Variants in FLG2 observed in about 807,000 individuals in gnomAD.
FLG2 encodes filaggrin-2.
FLG2 carries 7 observed loss-of-function variants against 3.9 expected under a neutral mutation model. The observed-to-expected ratio is 1.79, with a 90% CI of 1.02 to 3.36. The LOEUF is 3.36. Ranked by LOEUF, FLG2 falls within the 30% of genes most tolerant of loss-of-function variation. FLG2 has a pLI of 0.00. For synonymous variants in FLG2, 1,031 were observed against 1,056.1 expected, an observed-to-expected ratio of 0.98 and a Z score of 0.46; for missense variants, 2,700 against 2,809.4, an observed-to-expected ratio of 0.96 and a Z score of 0.88.
At position 152,349,095 on chromosome 1, in the gene FLG2, G is replaced by T. The variant is rs1325081577; in HGVS notation, c.*1515C>A. 6.6e-6 allele frequency: 1 copy of T among 151,860 alleles called. No individual in the cohort carries two copies. Among genetic ancestry groups the T allele is most frequent in the African/African-American group, 2.4e-5 (1 of 41,322 alleles). 9.4% of individuals were successfully genotyped at this position (151,860 alleles called of 1,614,324 possible). A position where few individuals can be genotyped will look rare whatever the true frequency, so the allele number is the denominator to read the frequency against. On this transcript the variant is annotated 3_prime_UTR_variant, in exon 3 of 3. Coordinates refer to ENST00000388718, the MANE Select transcript of FLG2 (RefSeq NM_001014342.3). The stretch of plus-strand genomic sequence containing the variant: ...CACACAAATCTCTCTTTATTATATA[G>T]TTCTGAATATAGCCCCAAATGGTGT...
Position 152,351,591 on chromosome 1 carries a change from A to G in FLG2, c.6195T>C (p.Val2065=). ...CATGAGTAGTTCCGTGTCTCTCATGAACTGAGGATCCTGACTCTCCATGTT... is the reference window on the plus strand; with the variant it reads ...CATGAGTAGTTCCGTGTCTCTCATGGACTGAGGATCCTGACTCTCCATGTT... ...GSQHGESGSS[V]HERHGTTHGQ... is the part of the protein sequence containing the mutation. The change falls in exon 3 of 3, where the codon GTT becomes GTC. Residue 2065 remains valine (V), a synonymous_variant. Transcript: ENST00000388718. The G allele has an allele frequency of 6.2e-7, 1 of 1,609,342 alleles. No individual in the cohort carries two copies. The highest frequency in any genetic ancestry group is 8.5e-7 in the Non-Finnish European group (1 of 1,179,166).
chr1:152,351,194 C>A lies in FLG2; in HGVS notation c.6592G>T (p.Gly2198Ter). The change falls in exon 3 of 3, where the codon GGA (glycine) becomes TGA (stop). Residue 2198 changes from glycine to a stop codon, truncating the protein, a stop_gained. Transcript: ENST00000388718. LOFTEE classifies it low-confidence loss of function (END_TRUNC). ...GATCCGGCTTGGCTGTGAGTGTGTCCTGAATGTGTGGGTGAGGCCTCTGAG... is the reference window on the plus strand; with the variant it reads ...GATCCGGCTTGGCTGTGAGTGTGTCATGAATGTGTGGGTGAGGCCTCTGAG... ...VHSEASPTHS[G>*]HTHSQAGSRH... 2 of 1,613,648 alleles carry A rather than the reference C, an allele frequency of 1.2e-6. No individual in the cohort carries two copies. Among genetic ancestry groups the A allele is most frequent in the Non-Finnish European group, 1.7e-6 (2 of 1,179,928 alleles).
rs779748746 is a variant in FLG2, at chr1:152,354,100, C to A, written c.3686G>T (p.Gly1229Val). The A allele has an allele frequency of 9.3e-6, 15 of 1,614,218 alleles. No individual in the cohort carries two copies. The Admixed American group carries it at 1.0e-4, about 11-fold the overall frequency. Residue 1229 changes from glycine (G) to valine (V), a missense_variant, in exon 3 of 3, where the codon GGA becomes GTA. Transcript: ENST00000388718. Reference sequence around the variant, plus strand: ...TTCCTGTCTCCCATGAACTGTGGATCCTGACTCTACTTGTTGAGATTCACC... The same window carrying A: ...TTCCTGTCTCCCATGAACTGTGGATACTGACTCTACTTGTTGAGATTCACC... ...GQGESQQVESGSTVHGRQETT... is the reference protein window; with the variant it reads ...GQGESQQVESVSTVHGRQETT...
chr1:152,350,839 G>A lies in FLG2; in HGVS notation c.6947C>T (p.Thr2316Ile), dbSNP rs1297869154. ...RHGHSGYGQS[T>I]QTGSRSSRAS... ...TCTACTAGATCTGGAACCTGTCTGT[G>A]TGGATTGTCCATAACCAGAATGGCC... is the stretch of plus-strand genomic sequence containing the variant. The change falls in exon 3 of 3, where the codon ACA becomes ATA. Residue 2316 changes from threonine (T) to isoleucine (I), a missense_variant. Thr to Ile is a moderately conservative substitution (Grantham distance 89). Coordinates refer to ENST00000388718, the MANE Select transcript of FLG2 (RefSeq NM_001014342.3). 4 of 1,614,008 alleles carry A rather than the reference G, an allele frequency of 2.5e-6. No homozygotes were observed. Among genetic ancestry groups the A allele is most frequent in the Middle Eastern group, 1.6e-4 (1 of 6,084 alleles).
Position 152,355,233 on chromosome 1 carries a change from G to A in FLG2, c.2553C>T (p.Gly851=), listed in dbSNP as rs1490774735. ...HQSSYGQHGS[G]SSQSSGYGQH... ...GACCATAGCCAGATGATTGACTTGA[G>A]CCAGAACCATGTTGGCCATAGCTGG... is the stretch of plus-strand genomic sequence containing the variant. Residue 851 remains glycine, a synonymous_variant, in exon 3 of 3, where the codon GGC becomes GGT. Transcript: ENST00000388718. The A allele has an allele frequency of 6.2e-7, 1 of 1,611,778 alleles. No homozygotes were observed. The highest frequency in any genetic ancestry group is 8.5e-7 in the Non-Finnish European group (1 of 1,179,508).
chr1:152,355,508 G>A lies in FLG2; in HGVS notation c.2278C>T (p.Gln760Ter). Reference sequence around the variant, plus strand: ...GACTGACCTGATCTAGACTCATGTTGTCCAAAGCCAGAGGATTGTCCTGAG... The same window carrying A: ...GACTGACCTGATCTAGACTCATGTTATCCAAAGCCAGAGGATTGTCCTGAG... ...SGSGQSSGFG[Q>*]HESRSGQSSY... The change falls in exon 3 of 3, where the codon CAA becomes TAA. Residue 760 changes from glutamine (Q) to a stop codon, truncating the protein, a stop_gained. Coordinates refer to ENST00000388718, the MANE Select transcript of FLG2 (RefSeq NM_001014342.3). LOFTEE classifies it low-confidence loss of function (END_TRUNC). The A allele has an allele frequency of 6.2e-7, 1 of 1,613,272 alleles. No individual in the cohort carries two copies. The highest frequency in any genetic ancestry group is 8.5e-7 in the Non-Finnish European group (1 of 1,179,880).
Position 152,352,695 on chromosome 1 carries a change from T to C in FLG2, c.5091A>G (p.Gly1697=), listed in dbSNP as rs764641471. ...CATGTCTAGTGGTATCTCCTGTCTG[T>C]CCATGAGTAGTTCCATGTCTCTCAG... is the stretch of plus-strand genomic sequence containing the variant. ...IVPERHGTTH[G]QTGDTTRHAH... is the part of the protein sequence containing the mutation. Residue 1697 remains glycine, a synonymous_variant, in exon 3 of 3, where the codon GGA becomes GGG. Coordinates refer to ENST00000388718, the MANE Select transcript of FLG2 (RefSeq NM_001014342.3). The C allele has an allele frequency of 5.0e-6, 8 of 1,613,820 alleles. No individual in the cohort carries two copies. In the South Asian group the frequency reaches 7.7e-5, roughly 16 times the overall value.
Position 152,355,724 on chromosome 1 carries a change from A to C in FLG2, c.2062T>G (p.Ser688Ala), listed in dbSNP as rs1654193151. ...SSGFGQHESR[S>A]GHSSYGQHGF... ...TGTTGGCCATAGCTAGAATGACCTG[A>C]TCTAGACTCATGTTGTCCAAAACCA... The change falls in exon 3 of 3, where the codon TCA becomes GCA. Residue 688 changes from serine (S) to alanine (A), a missense_variant. Ser to Ala is a moderately conservative substitution (Grantham distance 99, BLOSUM62 1). Coordinates refer to ENST00000388718, the MANE Select transcript of FLG2 (RefSeq NM_001014342.3). The C allele has an allele frequency of 1.2e-6, 2 of 1,613,626 alleles. No homozygotes were observed. The highest frequency in any genetic ancestry group is 1.3e-5 in the African/African-American group (1 of 74,734).
In FLG2 at chr1:152,354,387, T is replaced by C; in HGVS notation, c.3399A>G (p.Ser1133=). 6.2e-7 allele frequency: 1 copy of C among 1,613,892 alleles called. No homozygotes were observed. The highest frequency in any genetic ancestry group is 8.5e-7 in the Non-Finnish European group (1 of 1,179,976). ...GQSSGFGQHG[S]GTGKSSGFAQ... ...CAAAGCCAGAGGATTTACCTGTGCC[T>C]GACCCATGTTGTCCAAAGCCAGAAG... The change falls in exon 3 of 3, where the codon TCA becomes TCG. Residue 1133 remains serine, a synonymous_variant. Coordinates refer to ENST00000388718, the MANE Select transcript of FLG2 (RefSeq NM_001014342.3).
At position 152,353,294 on chromosome 1, in the gene FLG2, C is replaced by G; in HGVS notation, c.4492G>C (p.Gly1498Arg). 6.2e-7 allele frequency: 1 copy of G among 1,606,284 alleles called. No individual in the cohort carries two copies. Among genetic ancestry groups the G allele is most frequent in the Non-Finnish European group, 8.5e-7 (1 of 1,177,130 alleles). ...TCACTGGACTCACTGTGGCCAGATC[C>G]CCTTCTTCCAGTTGTACTGGACCCT... ...QRGSSTTGRR[G>R]SGHSESSDSE... Residue 1498 changes from glycine (G) to arginine (R), a missense_variant, in exon 3 of 3, where the codon GGA (glycine) becomes CGA (arginine). By Grantham distance (125) the Gly-to-Arg change is moderately radical (BLOSUM62 -2). Transcript: ENST00000388718.
At position 152,352,767 on chromosome 1, in the gene FLG2, A is replaced by C. The variant is rs749934736; in HGVS notation, c.5019T>G (p.Thr1673=). 6.2e-6 allele frequency: 10 copies of C among 1,613,052 alleles called. No homozygotes were observed. The highest frequency in any genetic ancestry group is 8.5e-6 in the Non-Finnish European group (10 of 1,179,812). The change falls in exon 3 of 3, where the codon ACT becomes ACG. Residue 1673 remains threonine (T), a synonymous_variant. Transcript: ENST00000388718. ...CATGTTGAGATCCAGCTTGACCATG[A>C]GTGTGTCCTGTATGTGTGTGTGAGA... The part of the protein sequence containing the change: ...SGVSHTHTGH[T]HGQAGSQHGQ...
Position 152,356,582 on chromosome 1 carries a change from C to T in FLG2, c.1204G>A (p.Gly402Ser). 1 of 1,614,130 alleles carries T rather than the reference C, an allele frequency of 6.2e-7. No homozygotes were observed. Among genetic ancestry groups the T allele is most frequent in the Non-Finnish European group, 8.5e-7 (1 of 1,180,030 alleles). ...GAACTAGAAGAGTTTGAAAAGCGGC[C>T]ACAGGAACCATATTCATGTTGACCA... Reference protein sequence around the residue: ...SNGQHEYGSCGRFSNSSSSNE... With the variant: ...SNGQHEYGSCSRFSNSSSSNE... The change falls in exon 3 of 3, where the codon GGC becomes AGC. Residue 402 changes from glycine to serine, a missense_variant. Coordinates refer to ENST00000388718, the MANE Select transcript of FLG2 (RefSeq NM_001014342.3).
Position 152,354,367 on chromosome 1 carries a change from C to T in FLG2, c.3419G>A (p.Gly1140Asp), listed in dbSNP as rs78399057. The change falls in exon 3 of 3, where the codon GGC becomes GAC. Residue 1140 changes from glycine (G) to aspartate (D), a missense_variant. Transcript: ENST00000388718. Reference protein sequence around the residue: ...QHGSGTGKSSGFAQHEYRSGQ... With the variant: ...QHGSGTGKSSDFAQHEYRSGQ... ...TGATCTGTACTCATGCTGTGCAAAG[C>T]CAGAGGATTTACCTGTGCCTGACCC... 0.019 allele frequency: 30,484 copies of T among 1,614,042 alleles called. 2,248 individuals are homozygous for T. The East Asian group carries it at 0.24, about 13-fold the overall frequency.
In FLG2 at chr1:152,354,741, A is replaced by G; in HGVS notation, c.3045T>C (p.His1015=). ...GSSQSSGYGQ[H]GSSSGQTTGF... is the part of the protein sequence containing the mutation. ...CAGTTGTCTGTCCTGAACTAGACCC[A>G]TGTTGACCATAGCCAGATGACTGAC... is the stretch of plus-strand genomic sequence containing the variant. Residue 1015 remains histidine (H), a synonymous_variant, in exon 3 of 3, where the codon CAT becomes CAC. Transcript: ENST00000388718. 1.2e-6 allele frequency: 2 copies of G among 1,613,884 alleles called. No homozygotes were observed. The highest frequency in any genetic ancestry group is 2.2e-5 in the East Asian group (1 of 44,846).
Position 152,354,110 on chromosome 1 carries a change from C to A in FLG2, c.3676G>T (p.Val1226Leu). ...TGLGQGESQQ[V>L]ESGSTVHGRQ... ...CCATGAACTGTGGATCCTGACTCTACTTGTTGAGATTCACCCTGGCCCAAG... is the reference window on the plus strand; with the variant it reads ...CCATGAACTGTGGATCCTGACTCTAATTGTTGAGATTCACCCTGGCCCAAG... The change falls in exon 3 of 3, where the codon GTA becomes TTA. Residue 1226 changes from valine to leucine, a missense_variant. By Grantham distance (32) the Val-to-Leu change is conservative (BLOSUM62 1). Coordinates refer to ENST00000388718, the MANE Select transcript of FLG2 (RefSeq NM_001014342.3). The A allele has an allele frequency of 6.2e-7, 1 of 1,614,266 alleles. No homozygotes were observed. The highest frequency in any genetic ancestry group is 8.5e-7 in the Non-Finnish European group (1 of 1,180,046).
rs1045100979 is a variant in FLG2, at chr1:152,356,603, G to T, written c.1183C>A (p.Gln395Lys). The change falls in exon 3 of 3, where the codon CAA becomes AAA. Residue 395 changes from glutamine (Q) to lysine (K), a missense_variant. By Grantham distance (53) the Gln-to-Lys change is moderately conservative (BLOSUM62 1). Coordinates refer to ENST00000388718, the MANE Select transcript of FLG2 (RefSeq NM_001014342.3). ...SGGSQSCSNGQHEYGSCGRFS... is the reference protein window; with the variant it reads ...SGGSQSCSNGKHEYGSCGRFS... Reference sequence around the variant, plus strand: ...CGGCCACAGGAACCATATTCATGTTGACCATTACTACAAGACTGGCTACCT... The same window carrying T: ...CGGCCACAGGAACCATATTCATGTTTACCATTACTACAAGACTGGCTACCT... 1 of 1,614,154 alleles carries T rather than the reference G, an allele frequency of 6.2e-7. No homozygotes were observed. The highest frequency in any genetic ancestry group is 1.3e-5 in the African/African-American group (1 of 75,024).
Position 152,354,987 on chromosome 1 carries a change from A to C in FLG2, c.2799T>G (p.Ser933=). 3 of 1,590,528 alleles carry C rather than the reference A, an allele frequency of 1.9e-6. No individual in the cohort carries two copies. The highest frequency in any genetic ancestry group is 2.6e-6 in the Non-Finnish European group (3 of 1,170,664). Residue 933 remains serine (S), a synonymous_variant, in exon 3 of 3, where the codon TCT becomes TCG. Transcript: ENST00000388718. ...GQHGSGSSQS[S]GYGQHGSSSG... ...AACTTGACCCATGTTGACCATAGCC[A>C]GATGACTGACTTGAGCCAGAACCAT...
At position 152,355,749 on chromosome 1, in the gene FLG2, AGAG is replaced by A. The variant is rs1404836430; in HGVS notation, c.2034_2036del (p.Ser679del). On this transcript the variant is annotated inframe_deletion, in exon 3 of 3. Transcript: ENST00000388718. ...ATCTAGACTCATGTTGTCCAAAACC[AGAG>A]GATTGTCCTGAGCCAGAAACATGTT... 6.2e-7 allele frequency: 1 copy of A among 1,613,982 alleles called. No homozygotes were observed. The highest frequency in any genetic ancestry group is 1.7e-5 in the Admixed American group (1 of 60,014).
Position 152,352,513 on chromosome 1 carries a change from T to A in FLG2, c.5273A>T (p.Glu1758Val). The change falls in exon 3 of 3, where the codon GAG (glutamate) becomes GTG (valine). Residue 1758 changes from glutamate to valine, a missense_variant. Transcript: ENST00000388718. ...THGQARSQHGESESIVHERHG... is the reference protein window; with the variant it reads ...THGQARSQHGVSESIVHERHG... ...TCTCTCATGAACTATGGATTCTGACTCTCCATGTTGAGATCTGGCTTGGCC... is the reference window on the plus strand; with the variant it reads ...TCTCTCATGAACTATGGATTCTGACACTCCATGTTGAGATCTGGCTTGGCC... 1 of 1,613,740 alleles carries A rather than the reference T, an allele frequency of 6.2e-7. No individual in the cohort carries two copies. Among genetic ancestry groups the A allele is most frequent in the Non-Finnish European group, 8.5e-7 (1 of 1,179,938 alleles).
Sources: allele counts gnomAD v4.1 joint callset, GRCh38; gene constraint gnomAD v4.1.1; transcripts MANE v1.5; gene names NCBI Gene and HGNC (gene_info 2026-07-23, HGNC 2026-07-21).